CFH: variants seen among roughly 807,000 people sequenced by gnomAD.
CFH encodes the protein H factor 1 (complement).
CFH carries 53 observed loss-of-function variants against 147.3 expected under a neutral mutation model. The ratio of observed to expected loss-of-function variants is 0.36; its 90% CI spans 0.29 to 0.45. The LOEUF (loss-of-function observed/expected upper bound fraction) is 0.45. CFH is among the 20% of genes least tolerant of loss of function. The pLI, the probability that CFH is intolerant of heterozygous loss-of-function variation, is 1.00. For synonymous variants in CFH, 536 were observed against 489.4 expected (o/e 1.10, Z -1.26); for missense variants, 1,380 against 1,498.0 (o/e 0.92, Z 1.30).
In CFH at chr1:196,677,046, T is replaced by G. The variant is rs1329424; in HGVS notation, c.428-430T>G. The G allele has an allele frequency of 0.66, 106,214 of 160,712 alleles. 35,672 individuals carry two copies. The highest frequency in any genetic ancestry group is 0.95 in the East Asian group (5,234 of 5,520). 10.0% of individuals were successfully genotyped at this position (160,712 alleles called of 1,614,324 possible). A position where few individuals can be genotyped will look rare whatever the true frequency, so the allele number is the denominator to read the frequency against. The stretch of plus-strand genomic sequence containing the variant: ...AACTACTCAAATTATTTTAAACACT[T>G]AGGTCGAAGAGGATGGAAAATTAAC... On this transcript the variant is annotated intron_variant, in intron 4 of 21. Coordinates refer to ENST00000367429, the MANE Select transcript of CFH (RefSeq NM_000186.4).
At chr1:196,724,987 T>C (rs1351195296) in intron 11 of CFH, 134 bp from the exon 12 acceptor site, 3 of 686,596 alleles carry the variant, frequency 4.4e-6, no homozygotes, top group Non-Finnish European at 7.6e-6. Flanking sequence ...GTAGCATTCT[T>C]TACAGGGAAA....
chr1:196,656,470 A>G (rs2149066653), intron 1 of CFH, among the ~76,000 whole-genome samples: 1 of 152,238 alleles, frequency 6.6e-6, no homozygotes, highest in Admixed American at 6.5e-5. Flanking sequence ...ACAGAGTTTT[A>G]AGTGCACTAA....
intron 20 of CFH, among the ~76,000 whole-genome samples, chr1:196,744,307 G>C (rs1348176302): frequency 6.6e-6 from 1 of 151,818 alleles, no homozygotes; most frequent in African/African-American, 2.4e-5. Context: ...GGTGCACTTG[G>C]ACCATTTACA....
At chr1:196,739,198 G>T (rs909189894) in intron 17 of CFH, among the ~76,000 whole-genome samples, 1 of 152,206 alleles carries the variant, frequency 6.6e-6, no homozygotes, top group Admixed American at 6.5e-5. Context: ...TGTGATGGGT[G>T]GGGGTGTCAT....
chr1:196,702,071 A>C (rs539519846), intron 9 of CFH, among the ~76,000 whole-genome samples: 4 of 152,160 alleles, frequency 2.6e-5, no homozygotes, highest in Non-Finnish European at 5.9e-5. Flanking sequence ...AAATCATGAT[A>C]AAGTAAGAAA....
intron 9 of CFH, among the ~76,000 whole-genome samples, chr1:196,712,264 G>T (rs1300067250): frequency 4.6e-5 from 7 of 151,774 alleles, no homozygotes; most frequent in Non-Finnish European, 7.4e-5. Context: ...TTTTTAAATT[G>T]TCTGTACTGA....
At chr1:196,717,034 T>C (rs1030421111) in intron 11 of CFH, among the ~76,000 whole-genome samples, 1 of 151,882 alleles carries the variant, frequency 6.6e-6, no homozygotes, top group African/African-American at 2.4e-5. Flanking sequence ...CACATTTATA[T>C]ATAAGACAGA....
chr1:196,743,446 A>C lies in CFH; in HGVS notation c.3134-6A>C, dbSNP rs370476436. 6.2e-6 allele frequency: 10 copies of C among 1,613,668 alleles called. No homozygotes were observed. In the African/African-American group the frequency reaches 1.3e-4, roughly 22 times the overall value. ...AGGTGGAACCACTTCTTTTTTTTCT[A>C]TTCAGACACCTCCTGTGTGAATCCG... On this transcript the variant is annotated splice_polypyrimidine_tract_variant and splice_region_variant and intron_variant, in intron 19 of 21. Coordinates refer to ENST00000367429, the MANE Select transcript of CFH (RefSeq NM_000186.4).
chr1:196,669,772 G>T (rs184974012), intron 1 of CFH, among the ~76,000 whole-genome samples: 1 of 152,320 alleles, frequency 6.6e-6, no homozygotes, highest in East Asian at 1.9e-4. Context: ...CCACACAGAG[G>T]TCCCAGTGGG....
At chr1:196,711,055 G>C (rs1573051144) in intron 9 of CFH, among the ~76,000 whole-genome samples, 1 of 151,974 alleles carries the variant, frequency 6.6e-6, no homozygotes, top group Non-Finnish European at 1.5e-5. Context: ...TGTCATTGCT[G>C]TTATAAGCAA....
At chr1:196,698,280 A>C (rs1017401330) in intron 9 of CFH, among the ~76,000 whole-genome samples, 3 of 152,140 alleles carry the variant, frequency 2.0e-5, no homozygotes, top group Admixed American at 2.0e-4. Context: ...AAATCAATGC[A>C]CCCAGGAGCT....
chr1:196,674,805 T>A (rs1461236362), intron 3 of CFH, among the ~76,000 whole-genome samples: 1 of 152,144 alleles, frequency 6.6e-6, no homozygotes, highest in Non-Finnish European at 1.5e-5. Context: ...TTTAAAAATA[T>A]ATCTCTTCAC....
In CFH at chr1:196,713,608, A is replaced by G. The variant is rs1025185282; in HGVS notation, c.1337-127A>G. 4.1e-5 allele frequency: 26 copies of G among 636,270 alleles called. No homozygotes were observed. In the African/African-American group the frequency reaches 4.8e-4, roughly 12 times the overall value. 39.4% of individuals were successfully genotyped at this position (636,270 alleles called of 1,614,324 possible). On this transcript the variant is annotated intron_variant, in intron 9 of 21. Coordinates refer to ENST00000367429, the MANE Select transcript of CFH (RefSeq NM_000186.4). ...TATTTTCCTTGACTTAAGTATTTGAATGCTTATGGTTATCCAGGTTTTCAG... is the reference window on the plus strand; with the variant it reads ...TATTTTCCTTGACTTAAGTATTTGAGTGCTTATGGTTATCCAGGTTTTCAG...
intron 1 of CFH, among the ~76,000 whole-genome samples, chr1:196,660,830 A>G (rs1666872248): frequency 6.6e-6 from 1 of 152,226 alleles, no homozygotes; most frequent in Non-Finnish European, 1.5e-5. Context: ...TGTTAAAAGC[A>G]ATGAACTATA....
rs1667337834 is a variant in CFH, at chr1:196,673,087, T to C, written c.168T>C (p.Tyr56=). The C allele has an allele frequency of 1.2e-6, 2 of 1,613,912 alleles. No individual in the cohort carries two copies. The highest frequency in any genetic ancestry group is 1.1e-5 in the South Asian group (1 of 91,086). The change falls in exon 2 of 22, where the codon TAT becomes TAC. Residue 56 remains tyrosine, a synonymous_variant. Coordinates refer to ENST00000367429, the MANE Select transcript of CFH (RefSeq NM_000186.4). ...TQAIYKCRPG[Y]RSLGNVIMVC... is the part of the protein sequence containing the mutation. ...CTATCTATAAATGCCGCCCTGGATA[T>C]AGATCTCTTGGAAATGTAATAATGG...
chr1:196,721,532 G>A (rs1668997928), intron 11 of CFH, among the ~76,000 whole-genome samples: 1 of 151,992 alleles, frequency 6.6e-6, no homozygotes, highest in African/African-American at 2.4e-5. Flanking sequence ...ATATTCTGAG[G>A]TTGTTGGGTG....
At chr1:196,663,536 C>G (rs1666975653) in intron 1 of CFH, among the ~76,000 whole-genome samples, 1 of 152,048 alleles carries the variant, frequency 6.6e-6, no homozygotes, top group Non-Finnish European at 1.5e-5. Context: ...TATATTTATT[C>G]CAATATCAAA....
At chr1:196,653,897 C>A (rs949834829) in intron 1 of CFH, among the ~76,000 whole-genome samples, 5 of 151,898 alleles carry the variant, frequency 3.3e-5, no homozygotes, top group Non-Finnish European at 4.4e-5. Flanking sequence ...ATGCTTAGGC[C>A]AGCCTCATAA....
At chr1:196,686,117 C>T (rs1403938037) in intron 7 of CFH, among the ~76,000 whole-genome samples, 1 of 152,068 alleles carries the variant, frequency 6.6e-6, no homozygotes, top group Admixed American at 6.6e-5. Flanking sequence ...AACTCACTCA[C>T]TATCATGAAA....
Sources: allele counts gnomAD v4.1 joint callset (sites outside exome capture counted in the v4.1 genomes callset), GRCh38; gene constraint gnomAD v4.1.1; transcripts MANE v1.5; gene names NCBI Gene and HGNC (gene_info 2026-07-23, HGNC 2026-07-21).